The following PTK2 variants were observed in gnomAD, a reference collection of about 807,000 sequenced individuals.
PTK2 encodes the protein protein tyrosine kinase 2, also known as focal adhesion kinase 1.
In PTK2, 45 loss-of-function variants were observed where a neutral mutation model predicts 150.1. The ratio of observed to expected loss-of-function variants is 0.30; its 90% confidence interval spans 0.24 to 0.38. The LOEUF is 0.38. Among genes scored for constraint, PTK2 ranks in the 10% least tolerant of loss-of-function variants. PTK2 has a pLI of 1.00. For synonymous variants in PTK2, 432 were observed against 449.2 expected, an observed-to-expected ratio of 0.96 and a Z score of 0.48; for missense variants, 919 against 1,307.3, an observed-to-expected ratio of 0.70 and a Z score of 4.58.
chr8:140,687,338 C>T (rs377106148), intron 26 of PTK2, among the ~76,000 whole-genome samples: 1 of 152,138 alleles, frequency 6.6e-6, no homozygotes, highest in Admixed American at 6.6e-5. Flanking sequence ...CCCCTTTGCC[C>T]GTGAACACTG....
At chr8:140,866,382 C>A (rs1172462731) in intron 4 of PTK2, among the ~76,000 whole-genome samples, 1 of 152,216 alleles carries the variant, frequency 6.6e-6, no homozygotes, top group Admixed American at 6.5e-5. Flanking sequence ...TGCTGGTGAT[C>A]ATCAACTAAC....
intron 14 of PTK2, among the ~76,000 whole-genome samples, chr8:140,786,126 G>A (rs939700098): frequency 3.9e-5 from 6 of 152,120 alleles, no homozygotes; most frequent in African/African-American, 9.7e-5. Context: ...TCTGTTGGCC[G>A]GATTAATGTA....
chr8:140,960,885 C>A (rs1357202584), intron 1 of PTK2, among the ~76,000 whole-genome samples: 1 of 152,092 alleles, frequency 6.6e-6, no homozygotes, highest in South Asian at 2.1e-4. Flanking sequence ...GAGGCTGAGG[C>A]AGGAGAATCA....
upstream of PTK2, chr8:141,001,285 T>G (rs1351248724): frequency 1.4e-5 from 2 of 146,910 alleles, no homozygotes; most frequent in African/African-American, 4.9e-5. Flanking sequence ...GAGGCCGTGC[T>G]GCGTCGGCGC....
At chr8:140,785,467 A>C (rs1346215788) in intron 14 of PTK2, among the ~76,000 whole-genome samples, 2 of 152,332 alleles carry the variant, frequency 1.3e-5, no homozygotes, top group East Asian at 1.9e-4. Context: ...ACAGTGCACT[A>C]TAGAGCTCTG....
chr8:140,949,463 G>A lies in PTK2; in HGVS notation c.-121-23714C>T, dbSNP rs147333149. ...CGGCTCCGGAGCTGGGCATCCCTGC[G>A]TTCTTAGGGGTCCGGGAAGCCCCCC... On this transcript the variant is annotated intron_variant, in intron 1 of 31. Transcript: ENST00000522684. 4.7e-4 allele frequency among the ~76,000 whole-genome samples: 72 copies of A among 152,292 alleles called. 1 individual carries two copies. In the East Asian group the frequency reaches 0.013, roughly 27 times the overall value.
intron 1 of PTK2, among the ~76,000 whole-genome samples, chr8:140,980,311 G>T (rs2100190926): frequency 6.6e-6 from 1 of 152,180 alleles, no homozygotes; most frequent in Admixed American, 6.5e-5. Flanking sequence ...AAGACATATA[G>T]CATGATACCC....
At chr8:140,977,153 G>A (rs2100189552) in intron 1 of PTK2, among the ~76,000 whole-genome samples, 2 of 152,174 alleles carry the variant, frequency 1.3e-5, no homozygotes, top group Admixed American at 6.5e-5. Context: ...ACTTTGGGAG[G>A]CCAAGGCGGG....
intron 8 of PTK2, among the ~76,000 whole-genome samples, chr8:140,820,121 A>ATTTTTTTTTTTTT (rs2100107515): frequency 2.0e-5 from 1 of 51,244 alleles, no homozygotes; most frequent in Non-Finnish European, 3.7e-5. Context: ...TTTTTTTTAA[A>ATTTTTTTTTTTTT]TAGGGTCTCA....
intron 10 of PTK2, among the ~76,000 whole-genome samples, chr8:140,810,527 G>T (rs1022454896): frequency 6.6e-6 from 1 of 152,124 alleles, no homozygotes; most frequent in Non-Finnish European, 1.5e-5. Flanking sequence ...GAGCTCCCAC[G>T]GGGCAGCCTC....
In PTK2 at chr8:140,901,646, T is replaced by C. The variant is rs531631237; in HGVS notation, c.-32-10877A>G. Among the ~76,000 whole-genome samples, 10 of 147,176 alleles carry C rather than the reference T, an allele frequency of 6.8e-5. No individual in the cohort carries two copies. The East Asian group carries it at 2.2e-3, about 32-fold the overall frequency. On this transcript the variant is annotated intron_variant, in intron 2 of 31. Coordinates refer to ENST00000522684, the Ensembl canonical transcript of PTK2. ...CAGCTTGGGCAAGAAAGCAAGATCC[T>C]GTCTTTTTTTTTTTTTTTTTAAATA...
rs2100133706 is a variant in PTK2 at position 140,857,896 on chromosome 8, A to G, written c.450+6416T>C. ...GTGAAGTTCAACAAAACAAGAGTTC[A>G]GAACTCACACACAAGGAAAAAAGTC... On this transcript the variant is annotated intron_variant, in intron 5 of 31. Transcript: ENST00000522684. 3.3e-5 allele frequency among the ~76,000 whole-genome samples: 5 copies of G among 152,244 alleles called. No homozygotes were observed. The South Asian group carries it at 1.0e-3, about 31-fold the overall frequency.
intron 7 of PTK2, 43 bp downstream of exon 7, chr8:140,846,217 G>C: frequency 1.4e-6 from 2 of 1,453,402 alleles, no homozygotes; most frequent in Non-Finnish European, 9.5e-7. Flanking sequence ...TAAGAATTTA[G>C]TTCTGCATAT....
At chr8:140,877,877 T>G (rs906601840) in intron 4 of PTK2, among the ~76,000 whole-genome samples, 2 of 152,140 alleles carry the variant, frequency 1.3e-5, no homozygotes, top group African/African-American at 4.8e-5. Flanking sequence ...GAGATTTAGA[T>G]TCAATGACCA....
At chr8:140,846,040 G>A (rs2100125230) in intron 7 of PTK2, among the ~76,000 whole-genome samples, 2 of 152,088 alleles carry the variant, frequency 1.3e-5, no homozygotes, top group African/African-American at 2.4e-5. Flanking sequence ...TACACAAAGT[G>A]TATGTTAATG....
intron 21 of PTK2, among the ~76,000 whole-genome samples, chr8:140,736,000 A>G (rs967763789): frequency 1.4e-4 from 21 of 152,216 alleles, no homozygotes; most frequent in Admixed American, 2.6e-4. Context: ...CCCAGGAAAG[A>G]TGTGGAACTT....
intron 8 of PTK2, among the ~76,000 whole-genome samples, chr8:140,822,938 A>G (rs563554869): frequency 2.0e-5 from 3 of 152,364 alleles, no homozygotes; most frequent in African/African-American, 7.2e-5. Context: ...AAGTGGGAAG[A>G]CAGTTCAGAT....
intron 7 of PTK2, among the ~76,000 whole-genome samples, chr8:140,840,145 A>C (rs2100121439): frequency 6.6e-6 from 1 of 152,202 alleles, no homozygotes; most frequent in African/African-American, 2.4e-5. Context: ...TGCAGCCACA[A>C]CAAGCTGGGC....
At chr8:140,732,533 A>AG in intron 22 of PTK2, 1 of 525,810 alleles carries the variant, frequency 1.9e-6, no homozygotes, top group South Asian at 1.4e-5. Context: ...CTAGCTAGCT[A>AG]GGCTACTGGC....
Sources: gnomAD v4.1 joint callset for allele counts (sites outside exome capture counted in the v4.1 genomes callset) on GRCh38, gnomAD v4.1.1 for gene constraint, MANE v1.5 for transcripts, NCBI Gene and HGNC (gene_info 2026-07-23, HGNC 2026-07-21) for gene names.